Variants in MAMLD1 observed in about 807,000 individuals in gnomAD.
MAMLD1 encodes mastermind like domain containing 1.
A neutral mutation model predicts 45.0 loss-of-function variants in MAMLD1; 14 were observed. The observed-to-expected ratio is 0.31, with a 90% CI of 0.21 to 0.49. The LOEUF is 0.49. Among genes scored for constraint, MAMLD1 ranks in the 20% least tolerant of loss-of-function variants. MAMLD1 has a pLI of 0.99. For missense variants in MAMLD1, 543 were observed against 603.6 expected (o/e 0.90, Z 1.05); for synonymous variants, 254 against 247.8 (o/e 1.02, Z -0.24).
intron 4 of MAMLD1, among the ~76,000 whole-genome samples, chrX:150,472,097 C>T (rs782442630): frequency 8.9e-6 from 1 of 111,910 alleles, no homozygotes; most frequent in Admixed American, 9.4e-5. Context: ...TCACATAGTT[C>T]GCAAGGGACA....
At chrX:150,402,112 A>G (rs2124519773) in intron 1 of MAMLD1, among the ~76,000 whole-genome samples, 1 of 111,413 alleles carries the variant, frequency 9.0e-6, no homozygotes, top group South Asian at 3.7e-4. Flanking sequence ...AGCAAAAGAA[A>G]CTACCATCAG....
intron 2 of MAMLD1, among the ~76,000 whole-genome samples, chrX:150,458,447 A>C (rs782814383): frequency 4.5e-5 from 5 of 111,487 alleles, no homozygotes; most frequent in African/African-American, 9.8e-5. Flanking sequence ...CTCTGGCCTA[A>C]GCTTCAAAGT....
chrX:150,490,720 CTG>C (rs2037157953), intron 5 of MAMLD1, among the ~76,000 whole-genome samples: 1 of 111,469 alleles, frequency 9.0e-6, no homozygotes, highest in Non-Finnish European at 1.9e-5. Flanking sequence ...TGTAGGGAAA[CTG>C]TGGCCATAAA....
intron 2 of MAMLD1, among the ~76,000 whole-genome samples, chrX:150,462,484 G>A (rs781807173): frequency 1.8e-5 from 2 of 112,043 alleles, no homozygotes; most frequent in East Asian, 5.7e-4. Context: ...AATAGAATAT[G>A]TCAATAAGCA....
intron 5 of MAMLD1, among the ~76,000 whole-genome samples, chrX:150,480,413 T>C (rs1602962664): frequency 8.9e-6 from 1 of 112,360 alleles, no homozygotes; most frequent in African/African-American, 3.2e-5. Flanking sequence ...GTTTGTTTTA[T>C]CATGTTGTGT....
At chrX:150,492,376 A>G (rs940876065) in intron 5 of MAMLD1, among the ~76,000 whole-genome samples, 2 of 112,710 alleles carry the variant, frequency 1.8e-5, no homozygotes, top group Admixed American at 1.9e-4. Context: ...CAAGGTTGAA[A>G]CAGGCCAGCA....
intron 1 of MAMLD1, among the ~76,000 whole-genome samples, chrX:150,369,149 T>G (rs2031760495): frequency 9.1e-6 from 1 of 109,329 alleles, no homozygotes; most frequent in Non-Finnish European, 1.9e-5. Context: ...CCTTTTTTTT[T>G]AAGATTCTGA....
At chrX:150,367,475 G>T (rs2031559245) in intron 1 of MAMLD1, among the ~76,000 whole-genome samples, 1 of 112,312 alleles carries the variant, frequency 8.9e-6, no homozygotes, top group African/African-American at 3.2e-5. Context: ...TTATGAAAGG[G>T]AATAAACTGG....
intron 1 of MAMLD1, among the ~76,000 whole-genome samples, chrX:150,397,715 C>G (rs2124507398): frequency 9.0e-6 from 1 of 111,287 alleles, no homozygotes; most frequent in South Asian, 3.8e-4. Context: ...GGACACTCAC[C>G]AGACACTGAA....
At chrX:150,462,272 G>C (rs2036064364) in intron 2 of MAMLD1, among the ~76,000 whole-genome samples, 1 of 112,035 alleles carries the variant, frequency 8.9e-6, no homozygotes, top group African/African-American at 3.2e-5. Flanking sequence ...CTTGAAATTG[G>C]GATCCCTGCA....
chrX:150,378,782 C>G (rs1182176595), intron 1 of MAMLD1, among the ~76,000 whole-genome samples: 2 of 111,337 alleles, frequency 1.8e-5, no homozygotes, highest in Non-Finnish European at 3.8e-5. Flanking sequence ...TGAGGTTTGT[C>G]CCGTGGGAAC....
At chrX:150,374,076 C>T (rs1032431024) in intron 1 of MAMLD1, among the ~76,000 whole-genome samples, 10 of 112,569 alleles carry the variant, frequency 8.9e-5, no homozygotes, top group African/African-American at 3.2e-4. Flanking sequence ...ACTCCCTATC[C>T]TCTGAAGCAG....
intron 4 of MAMLD1, 32 bp from the exon 5 acceptor site, chrX:150,473,648 T>C (rs1173786551): frequency 8.3e-7 from 1 of 1,206,406 alleles, no homozygotes; most frequent in Non-Finnish European, 1.1e-6. Flanking sequence ...TGGTCTGCAG[T>C]TCAGGAGCAC....
chrX:150,402,474 G>A lies in MAMLD1; in HGVS notation c.-64+38944G>A, dbSNP rs2033814796. Among the ~76,000 whole-genome samples, 10 of 111,068 alleles carry A rather than the reference G, an allele frequency of 9.0e-5. No individual in the cohort carries two copies. The South Asian group carries it at 3.8e-3, about 42-fold the overall frequency. On this transcript the variant is annotated intron_variant, in intron 1 of 7. Coordinates refer to ENST00000370401, the MANE Select transcript of MAMLD1 (RefSeq NM_005491.5). ...TAGGAACACTTTTACACTGTTGCTGGGACTGTAAACTCGTTCAACCATTGT... is the reference window on the plus strand; with the variant it reads ...TAGGAACACTTTTACACTGTTGCTGAGACTGTAAACTCGTTCAACCATTGT...
chrX:150,373,176 C>T (rs2032114622), intron 1 of MAMLD1, among the ~76,000 whole-genome samples: 1 of 111,643 alleles, frequency 9.0e-6, no homozygotes, highest in African/African-American at 3.3e-5. Flanking sequence ...TCCTGGGCGT[C>T]CCGCACCAGC....
At chrX:150,451,132 G>A (rs781822438) in intron 2 of MAMLD1, among the ~76,000 whole-genome samples, 1 of 112,762 alleles carries the variant, frequency 8.9e-6, no homozygotes, top group East Asian at 2.8e-4. Flanking sequence ...CAGTCTGTTT[G>A]AAGGGAGAGT....
chrX:150,476,607 CA>C lies in MAMLD1; in HGVS notation c.2040+2813del, dbSNP rs1196534600. On this transcript the variant is annotated intron_variant, in intron 5 of 7. Coordinates refer to ENST00000370401, the MANE Select transcript of MAMLD1 (RefSeq NM_005491.5). ...GGATGGAGGCCAGTTGGAATAAGAA[CA>C]AAAAAAAGCCTGGAATCTGATCCTT... Among the ~76,000 whole-genome samples the C allele has an allele frequency of 3.6e-5, 4 of 110,286 alleles. No homozygotes were observed. In the Admixed American group the frequency reaches 3.8e-4, roughly 11 times the overall value.
At chrX:150,432,424 G>A (rs150064120) in intron 1 of MAMLD1, among the ~76,000 whole-genome samples, 35 of 111,667 alleles carry the variant, frequency 3.1e-4, no homozygotes, top group African/African-American at 1.0e-3. Context: ...AGTTTAAATA[G>A]GTCTTATTTG....
Position 150,470,169 on chromosome X carries a change from T to C in MAMLD1, c.596T>C (p.Ile199Thr). 8.3e-7 allele frequency: 1 copy of C among 1,211,634 alleles called. No individual in the cohort carries two copies. The highest frequency in any genetic ancestry group is 1.1e-6 in the Non-Finnish European group (1 of 895,500). The change falls in exon 4 of 8, where the codon ATA becomes ACA. Residue 199 changes from isoleucine to threonine, a missense_variant. Physicochemically the swap from Ile to Thr is moderately conservative, Grantham distance 89. Transcript: ENST00000370401. The part of the protein sequence containing the change: ...PSPNELDLEK[I>T]LGTKPEEPLV... Reference sequence around the variant, plus strand: ...CCAAATGAGCTAGATCTTGAGAAGATACTGGGGACGAAGCCAGAAGAGCCA... The same window carrying C: ...CCAAATGAGCTAGATCTTGAGAAGACACTGGGGACGAAGCCAGAAGAGCCA...
Sources: allele counts gnomAD v4.1 joint callset (sites outside exome capture counted in the v4.1 genomes callset), GRCh38; gene constraint gnomAD v4.1.1; transcripts MANE v1.5; gene names NCBI Gene and HGNC (gene_info 2026-07-23, HGNC 2026-07-21).